The following GAPVD1 variants were observed in gnomAD, a reference collection of about 807,000 sequenced individuals.
The protein encoded by GAPVD1 is GTPase activating protein and VPS9 domains 1.
In GAPVD1, 35 loss-of-function variants were observed where a neutral mutation model predicts 155.5. That is an observed-to-expected ratio of 0.23 (90% CI 0.17 to 0.30). GAPVD1 has a LOEUF of 0.30. GAPVD1 is among the 10% of genes least tolerant of loss of function. GAPVD1 has a pLI of 1.00. For synonymous variants in GAPVD1, 636 were observed against 619.7 expected, an observed-to-expected ratio of 1.03 and a Z score of -0.39; for missense variants, 1,429 against 1,775.7, an observed-to-expected ratio of 0.80 and a Z score of 3.51.
At chr9:125,264,485 G>A (rs979429816) in intron 1 of GAPVD1, among the ~76,000 whole-genome samples, 11 of 152,200 alleles carry the variant, frequency 7.2e-5, no homozygotes, top group East Asian at 3.9e-4. Context: ...GTGAGCCACC[G>A]CGTCCTGCCC....
Position 125,305,130 on chromosome 9 carries a change from G to T in GAPVD1, c.1097G>T (p.Ser366Ile). 1 of 1,612,876 alleles carries T rather than the reference G, an allele frequency of 6.2e-7. No homozygotes were observed. Residue 366 changes from serine (S) to isoleucine (I), a missense_variant, in exon 6 of 28, where the codon AGC (serine) becomes ATC (isoleucine). By Grantham distance (142) the Ser-to-Ile change is moderately radical. Transcript: ENST00000297933. ...SEEGDPRTKS[S>I]LGKFDKSCVA... is the part of the protein sequence containing the mutation. ...GAGGGAGATCCCCGAACAAAGAGCA[G>T]CCTTGGAAAGTTTGACAAAGTAAGA...
intron 4 of GAPVD1, among the ~76,000 whole-genome samples, chr9:125,299,505 A>C (rs1194675130): frequency 6.6e-6 from 1 of 151,644 alleles, no homozygotes; most frequent in Non-Finnish European, 1.5e-5. Flanking sequence ...AAAATACAAC[A>C]ATTATCTGGG....
At chr9:125,342,384 C>G in intron 19 of GAPVD1, 85 bp downstream of exon 19, 2 of 797,462 alleles carry the variant, frequency 2.5e-6, no homozygotes, top group Admixed American at 1.8e-5. Flanking sequence ...ATAAGCGTTG[C>G]CTTTCTAGAA....
At chr9:125,318,213 C>T (rs1843736054) in intron 9 of GAPVD1, among the ~76,000 whole-genome samples, 1 of 152,170 alleles carries the variant, frequency 6.6e-6, no homozygotes, top group African/African-American at 2.4e-5. Flanking sequence ...TCTCAAACTC[C>T]TGACCTCAGG....
At chr9:125,285,110 G>A (rs1445455392) in intron 2 of GAPVD1, among the ~76,000 whole-genome samples, 2 of 152,210 alleles carry the variant, frequency 1.3e-5, no homozygotes, top group Non-Finnish European at 2.9e-5. Flanking sequence ...TTTTGGACTT[G>A]TGGGCCACAT....
rs1038725246 is a variant in GAPVD1 at position 125,365,662 on chromosome 9, A to G, written c.*2916A>G. The G allele has an allele frequency of 6.6e-6, 1 of 152,222 alleles. No individual in the cohort carries two copies. The allele number at this position is 152,222 out of a possible 1,614,324, so 9.4% of individuals were successfully genotyped here. On this transcript the variant is annotated 3_prime_UTR_variant, in exon 28 of 28. Coordinates refer to ENST00000297933, the MANE Select transcript of GAPVD1 (RefSeq NM_001282680.3). ...ATTATATTTTAATTTTTTTTGAGAC[A>G]TAGTCTTGCTCTGTCACCCAGTCTG...
At chr9:125,271,692 A>G (rs941408188) in intron 2 of GAPVD1, among the ~76,000 whole-genome samples, 1 of 151,964 alleles carries the variant, frequency 6.6e-6, no homozygotes, top group Admixed American at 6.6e-5. Flanking sequence ...CTGGGATTAC[A>G]GGCACCCACC....
At chr9:125,322,118 G>A (rs908379633) in intron 10 of GAPVD1, among the ~76,000 whole-genome samples, 3 of 151,948 alleles carry the variant, frequency 2.0e-5, no homozygotes, top group Admixed American at 6.6e-5. Flanking sequence ...AGGCTGGAGT[G>A]CAGTGTCGCA....
chr9:125,331,628 C>G (rs1253677476), intron 13 of GAPVD1, among the ~76,000 whole-genome samples: 1 of 152,186 alleles, frequency 6.6e-6, no homozygotes, highest in African/African-American at 2.4e-5. Context: ...TGATTTAATA[C>G]CAGGCTATTC....
intron 13 of GAPVD1, 25 bp from the exon 14 acceptor site, chr9:125,331,901 A>G (rs745600915): frequency 1.9e-6 from 3 of 1,611,852 alleles, no homozygotes; most frequent in East Asian, 2.2e-5. Context: ...TCACAAATGT[A>G]ACATACCTCT....
At chr9:125,356,329 G>T (rs1850081617) in intron 25 of GAPVD1, among the ~76,000 whole-genome samples, 1 of 152,100 alleles carries the variant, frequency 6.6e-6, no homozygotes, top group African/African-American at 2.4e-5. Flanking sequence ...GGGCCAGATT[G>T]TTGATGATGT....
chr9:125,293,866 A>ATT (rs1554757135), intron 2 of GAPVD1, among the ~76,000 whole-genome samples: 20 of 17,544 alleles, frequency 1.1e-3, no homozygotes, highest in Non-Finnish European at 1.5e-3. Flanking sequence ...ATATATATAT[A>ATT]TATATATATA....
intron 2 of GAPVD1, among the ~76,000 whole-genome samples, chr9:125,293,300 C>T (rs1019253490): frequency 1.3e-5 from 2 of 152,106 alleles, no homozygotes; most frequent in African/African-American, 4.8e-5. Flanking sequence ...CTCCTTTCAT[C>T]ATACCTGTAG....
At chr9:125,274,220 G>A (rs1835381698) in intron 2 of GAPVD1, among the ~76,000 whole-genome samples, 1 of 151,750 alleles carries the variant, frequency 6.6e-6, no homozygotes, top group Non-Finnish European at 1.5e-5. Flanking sequence ...GTTTCACCAT[G>A]TTGGCGAGCC....
At chr9:125,328,751 G>C (rs1001934877) in intron 12 of GAPVD1, among the ~76,000 whole-genome samples, 3 of 151,766 alleles carry the variant, frequency 2.0e-5, no homozygotes, top group Admixed American at 2.0e-4. Context: ...CGGGCAGAGG[G>C]GCTCCTCACT....
At chr9:125,308,005 G>A (rs1334683079) in intron 8 of GAPVD1, 125 bp downstream of exon 8, 1 of 697,620 alleles carries the variant, frequency 1.4e-6, no homozygotes. Flanking sequence ...CATGTTTACT[G>A]ATGGTATTTC....
rs139510593 is a variant in GAPVD1 at position 125,302,189 on chromosome 9, C to G, written c.392C>G (p.Thr131Arg). ...GAGAACACACAAAGTGTTATTTACA[C>G]AGTTTTTACCTCCCTGTATGGCAAT... ...NQENTQSVIY[T>R]VFTSLYGNCI... Residue 131 changes from threonine (T) to arginine (R), a missense_variant, in exon 5 of 28, where the codon ACA becomes AGA. By Grantham distance (71) the Thr-to-Arg change is moderately conservative (BLOSUM62 -1). Transcript: ENST00000297933. The G allele has an allele frequency of 3.7e-6, 6 of 1,613,498 alleles. No homozygotes were observed. The highest frequency in any genetic ancestry group is 5.1e-6 in the Non-Finnish European group (6 of 1,179,608).
chr9:125,300,976 A>G (rs1043250216), intron 4 of GAPVD1, among the ~76,000 whole-genome samples: 1 of 152,174 alleles, frequency 6.6e-6, no homozygotes, highest in African/African-American at 2.4e-5. Context: ...GTTGAGCAAT[A>G]TGCTGATATC....
In GAPVD1 at chr9:125,341,245, T is replaced by A. The variant is rs750184898; in HGVS notation, c.2946T>A (p.Phe982Leu). ...DRNRPWWRKR[F>L]VSAMPKAPIP... is the part of the protein sequence containing the mutation. Reference sequence around the variant, plus strand: ...ACAGACCTTGGTGGAGAAAACGTTTTGTTTCAGCCATGCCTAAAGGTAATT... The same window carrying A: ...ACAGACCTTGGTGGAGAAAACGTTTAGTTTCAGCCATGCCTAAAGGTAATT... Residue 982 changes from phenylalanine (F) to leucine (L), a missense_variant, in exon 18 of 28, where the codon TTT (phenylalanine) becomes TTA (leucine). Physicochemically the swap from Phe to Leu is conservative, Grantham distance 22 (BLOSUM62 0). Around this residue, in one of 4 missense-constraint regions of GAPVD1, gnomAD observed 699 missense variants for 826.0 expected, o/e 0.85. Transcript: ENST00000297933. 1 of 1,568,884 alleles carries A rather than the reference T, an allele frequency of 6.4e-7. No homozygotes were observed. The highest frequency in any genetic ancestry group is 8.8e-7 in the Non-Finnish European group (1 of 1,142,494).
Sources: allele counts gnomAD v4.1 joint callset (sites outside exome capture counted in the v4.1 genomes callset), GRCh38; gene constraint gnomAD v4.1.1; regional missense constraint gnomAD v4.1.1; transcripts MANE v1.5; gene names NCBI Gene and HGNC (gene_info 2026-07-23, HGNC 2026-07-21).